Variants in MAPT observed in about 807,000 individuals in gnomAD.
The protein encoded by MAPT is microtubule associated protein tau.
Under a neutral mutation model 67.9 loss-of-function variants are expected in MAPT, and 34 were observed. That is an observed-to-expected ratio of 0.50 (90% CI 0.38 to 0.67). The LOEUF (loss-of-function observed/expected upper bound fraction) is 0.67. Among genes scored for constraint, MAPT ranks in the 30% least tolerant of loss-of-function variants. The pLI is 0.00. For missense variants in MAPT, 881 were observed against 1,115.2 expected (o/e 0.79, Z 2.99); for synonymous variants, 456 against 464.5 (o/e 0.98, Z 0.23).
chr17:45,935,803 A>T (rs541898777), intron 1 of MAPT, among the ~76,000 whole-genome samples: 32 of 152,144 alleles, frequency 2.1e-4, no homozygotes, highest in African/African-American at 7.7e-4. Context: ...CCCTCCCTTC[A>T]AGTCTTAGCT....
At chr17:45,917,603 C>T (rs549133957) in intron 1 of MAPT, among the ~76,000 whole-genome samples, 41 of 152,220 alleles carry the variant, frequency 2.7e-4, no homozygotes, top group African/African-American at 9.6e-4. Flanking sequence ...ATAACAGAAG[C>T]GACATTTGTT....
chr17:45,922,510 C>CAG, intron 1 of MAPT, among the ~76,000 whole-genome samples: 1 of 142,916 alleles, frequency 7.0e-6, no homozygotes, highest in South Asian at 2.2e-4. Context: ...CACACACACA[C>CAG]ACACACACAG....
intron 1 of MAPT, among the ~76,000 whole-genome samples, chr17:45,904,151 T>C (rs1484350743): frequency 1.3e-4 from 4 of 29,920 alleles, no homozygotes; most frequent in African/African-American, 3.9e-4. Context: ...ATATTATATA[T>C]GTTATATATT....
chr17:46,006,060 G>A (rs1302109327), intron 9 of MAPT, among the ~76,000 whole-genome samples: 2 of 152,216 alleles, frequency 1.3e-5, no homozygotes, highest in African/African-American at 4.8e-5. Flanking sequence ...TAAAGGAGGA[G>A]TGGATTGTAC....
At chr17:46,023,479 C>G (rs1186836676) in intron 12 of MAPT, among the ~76,000 whole-genome samples, 1 of 152,162 alleles carries the variant, frequency 6.6e-6, no homozygotes, top group Non-Finnish European at 1.5e-5. Flanking sequence ...GGGAGGGTAC[C>G]TGGGTGCCTG....
chr17:45,938,645 A>G (rs1489364490), intron 1 of MAPT, among the ~76,000 whole-genome samples: 2 of 151,112 alleles, frequency 1.3e-5, no homozygotes, highest in Non-Finnish European at 3.0e-5. Context: ...TTTAATTAAG[A>G]TTTTTTTTTC....
chr17:45,947,649 G>A (rs1203385729), intron 1 of MAPT, among the ~76,000 whole-genome samples: 1 of 151,892 alleles, frequency 6.6e-6, no homozygotes, highest in Non-Finnish European at 1.5e-5. Context: ...CGGCCTCCCA[G>A]TGTGCTGGGA....
At chr17:46,005,019 C>T (rs759180385) in intron 9 of MAPT, among the ~76,000 whole-genome samples, 15 of 152,188 alleles carry the variant, frequency 9.9e-5, no homozygotes, top group African/African-American at 2.4e-4. Flanking sequence ...CTCCTGACCT[C>T]GTCATCTGCC....
At chr17:45,933,232 ACTCT>A (rs1333982979) in intron 1 of MAPT, among the ~76,000 whole-genome samples, 4 of 142,796 alleles carry the variant, frequency 2.8e-5, no homozygotes, top group South Asian at 2.2e-4. Flanking sequence ...CTGTTTTTGA[ACTCT>A]CTCTCTCCCT....
chr17:45,981,725 C>T (rs2145618090), intron 4 of MAPT, among the ~76,000 whole-genome samples: 1 of 152,202 alleles, frequency 6.6e-6, no homozygotes, highest in East Asian at 1.9e-4. Context: ...TCACTGGTTT[C>T]ATTTACCAAA....
chr17:46,024,487 C>G lies in MAPT; in HGVS notation c.*316C>G. 2 of 446,306 alleles carry G rather than the reference C, an allele frequency of 4.5e-6. No homozygotes were observed. The highest frequency in any genetic ancestry group is 6.9e-5 in the Admixed American group (2 of 28,800). The allele number at this position is 446,306 out of a possible 1,614,324, so 27.6% of individuals were successfully genotyped here. ...TTCCTTTTGATTCTTTTTTCTTCCC[C>G]CTCCATGTAGAAGAGGGAGAAGGAG... On this transcript the variant is annotated 3_prime_UTR_variant, in exon 13 of 13. Coordinates refer to ENST00000262410, the MANE Select transcript of MAPT (RefSeq NM_001377265.1).
At chr17:46,002,242 G>A (rs945175440) in intron 9 of MAPT, among the ~76,000 whole-genome samples, 2 of 152,212 alleles carry the variant, frequency 1.3e-5, no homozygotes, top group Non-Finnish European at 2.9e-5. Context: ...GGCAGTGGCC[G>A]TGGGAGTGCT....
rs147554553 is a variant in MAPT, at chr17:45,941,263, A to G, written c.-17-21058A>G. On this transcript the variant is annotated intron_variant, in intron 1 of 12. Transcript: ENST00000262410. ...AAAAGACATCTTTATTGAGATGATC[A>G]TTCACATTCTATAAAATTCCCCCAC... Among the ~76,000 whole-genome samples the G allele has an allele frequency of 3.4e-3, 515 of 152,324 alleles. 3 individuals are homozygous for G. The highest frequency in any genetic ancestry group is 0.01 in the Middle Eastern group (3 of 294).
Position 45,905,739 on chromosome 17 carries a change from A to G in MAPT, c.-18+11053A>G, listed in dbSNP as rs572218272. On this transcript the variant is annotated intron_variant, in intron 1 of 12. Coordinates refer to ENST00000262410, the MANE Select transcript of MAPT (RefSeq NM_001377265.1). Reference sequence around the variant, plus strand: ...AGATTTCCCATGCCTCCATATTTCCATCTGAGAAATGGAGATTATACTGTC... The same window carrying G: ...AGATTTCCCATGCCTCCATATTTCCGTCTGAGAAATGGAGATTATACTGTC... 8.5e-5 allele frequency among the ~76,000 whole-genome samples: 13 copies of G among 152,234 alleles called. No individual in the cohort carries two copies. The East Asian group carries it at 2.5e-3, about 29-fold the overall frequency.
At chr17:45,967,893 C>A (rs749359872) in intron 2 of MAPT, among the ~76,000 whole-genome samples, 5 of 152,160 alleles carry the variant, frequency 3.3e-5, no homozygotes, top group Non-Finnish European at 7.4e-5. Flanking sequence ...GTTGGTGATA[C>A]CACCATCAGC....
intron 6 of MAPT, among the ~76,000 whole-genome samples, chr17:45,989,565 G>C (rs915120696): frequency 8.5e-5 from 13 of 152,152 alleles, no homozygotes; most frequent in African/African-American, 3.1e-4. Flanking sequence ...GCAGGAGAAT[G>C]GCGTGAACCC....
In MAPT at chr17:46,001,666, TA is replaced by T. The variant is rs554851749; in HGVS notation, c.1998+5012del. On this transcript the variant is annotated intron_variant, in intron 9 of 12. Transcript: ENST00000262410. ...CAACACAGTGAGACTGAGACTCTAT[TA>T]AAAAAAAAATGCTGGTTCCTTCCTT... 1.0e-3 allele frequency among the ~76,000 whole-genome samples: 151 copies of T among 149,964 alleles called. 1 individual carries two copies. The highest frequency in any genetic ancestry group is 3.4e-3 in the African/African-American group (139 of 40,984).
rs1196363748 is a variant in MAPT at position 45,897,812 on chromosome 17, C to T, written c.-18+3126C>T. 6.6e-6 allele frequency: 1 copy of T among 152,572 alleles called. No homozygotes were observed. Among genetic ancestry groups the T allele is most frequent in the Non-Finnish European group, 1.5e-5 (1 of 68,362 alleles). 9.5% of individuals were successfully genotyped at this position (152,572 alleles called of 1,614,324 possible). ...CCCCTCTGCGTGCTCAGGCTCCAGGCTCAGCAGGACCAATTTGAGTTCTAT... is the reference window on the plus strand; with the variant it reads ...CCCCTCTGCGTGCTCAGGCTCCAGGTTCAGCAGGACCAATTTGAGTTCTAT... On this transcript the variant is annotated intron_variant, in intron 1 of 12. Coordinates refer to ENST00000262410, the MANE Select transcript of MAPT (RefSeq NM_001377265.1). This position sits in a 1 kb window ranked among gnomAD's most constrained non-coding sequence, Gnocchi z 5.0.
intron 1 of MAPT, among the ~76,000 whole-genome samples, chr17:45,948,330 C>G (rs2068713643): frequency 6.6e-6 from 1 of 152,124 alleles, no homozygotes; most frequent in South Asian, 2.1e-4. Context: ...CCTTTAGTTG[C>G]ACTCGCTCCC....
Sources: gnomAD v4.1 joint callset for allele counts (sites outside exome capture counted in the v4.1 genomes callset) on GRCh38, gnomAD v4.1.1 for gene constraint, Gnocchi (gnomAD v3.1) non-coding constraint, MANE v1.5 for transcripts, NCBI Gene and HGNC (gene_info 2026-07-23, HGNC 2026-07-21) for gene names.